The following SPAG4 variants were observed in gnomAD, a reference collection of about 807,000 sequenced individuals.
The protein encoded by SPAG4 is sperm associated antigen 4, also known as sperm-associated antigen 4 protein.
A neutral mutation model predicts 53.9 loss-of-function variants in SPAG4; 54 were observed. That is an observed-to-expected ratio of 1.00 (90% CI 0.80 to 1.26). The LOEUF (loss-of-function observed/expected upper bound fraction) is 1.26. Ranked by LOEUF, SPAG4 falls within the 50% of genes most tolerant of loss-of-function variation. The pLI is 0.00. For missense variants in SPAG4, 548 were observed against 568.6 expected (o/e 0.96, Z 0.37); for synonymous variants, 246 against 237.4 (o/e 1.04, Z -0.33).
chr20:35,618,082 T>G lies in SPAG4; in HGVS notation c.539-5T>G. ...CTTCTGAGACCCCTCCCTCTCTTTC[T>G]CCAGCATTCTGGCTGGGGCTTCTGT... On this transcript the variant is annotated splice_region_variant and splice_polypyrimidine_tract_variant and intron_variant, in intron 4 of 11. Transcript: ENST00000374273. The G allele has an allele frequency of 1.2e-6, 2 of 1,613,402 alleles. No individual in the cohort carries two copies. Among genetic ancestry groups the G allele is most frequent in the Non-Finnish European group, 1.7e-6 (2 of 1,179,636 alleles).
At chr20:35,617,495 C>T in intron 2 of SPAG4, 25 bp from the exon 3 acceptor site, 1 of 1,572,650 alleles carries the variant, frequency 6.4e-7, no homozygotes. Context: ...GTGGGCCCCT[C>T]TCTGACCCTC....
At position 35,619,703 on chromosome 20, in the gene SPAG4, A is replaced by G. The variant is rs1309015221; in HGVS notation, c.1034A>G (p.His345Arg). The change falls in exon 10 of 12, where the codon CAC becomes CGC. Residue 345 changes from histidine to arginine, a missense_variant. By Grantham distance (29) the His-to-Arg change is conservative (BLOSUM62 0). Transcript: ENST00000374273. ...CAGCATCCACCGCCCAGCGTGGAGC[A>G]CACCGGAGGAGCCAACAGCGCCCCC... ...TLQHPPPSVE[H>R]TGGANSAPRD... 1.9e-6 allele frequency: 3 copies of G among 1,612,908 alleles called. No individual in the cohort carries two copies. Among genetic ancestry groups the G allele is most frequent in the Middle Eastern group, 1.7e-4 (1 of 6,060 alleles).
In SPAG4 at chr20:35,617,524, G is replaced by A. The variant is rs754757214; in HGVS notation, c.414G>A (p.Leu138=). The change falls in exon 3 of 12, where the codon CTG becomes CTA. Residue 138 remains leucine (L), a synonymous_variant. Coordinates refer to ENST00000374273, the MANE Select transcript of SPAG4 (RefSeq NM_003116.3). ...GACCCTCTGTCCTGGCCTCAGGCCTGCTCTTCCAGGGGCTGAGCGTGTTGT... is the reference window on the plus strand; with the variant it reads ...GACCCTCTGTCCTGGCCTCAGGCCTACTCTTCCAGGGGCTGAGCGTGTTGT... The part of the protein sequence containing the change: ...PPRVFKSFLS[L]LFQGLSVLLS... 2.4e-5 allele frequency: 39 copies of A among 1,592,592 alleles called. No homozygotes were observed. The African/African-American group carries it at 4.4e-4, about 18-fold the overall frequency.
chr20:35,619,236 G>A lies in SPAG4; in HGVS notation c.835G>A (p.Asp279Asn), dbSNP rs775000708. Residue 279 changes from aspartate (D) to asparagine (N), a missense_variant, in exon 9 of 12, where the codon GAC (aspartate) becomes AAC (asparagine). Coordinates refer to ENST00000374273, the MANE Select transcript of SPAG4 (RefSeq NM_003116.3). ...GCAGAAGACATCCCACGATTACGCA[G>A]ACAGGAACACTGCCTACTTCTGGAA... is the stretch of plus-strand genomic sequence containing the variant. Reference protein sequence around the residue: ...DLQKTSHDYADRNTAYFWNRF... With the variant: ...DLQKTSHDYANRNTAYFWNRF... The A allele has an allele frequency of 1.9e-6, 3 of 1,613,868 alleles. No individual in the cohort carries two copies. Among genetic ancestry groups the A allele is most frequent in the South Asian group, 1.1e-5 (1 of 91,080 alleles).
chr20:35,619,139 G>A lies in SPAG4; in HGVS notation c.794-56G>A, dbSNP rs1385035359. 7 of 592,282 alleles carry A rather than the reference G, an allele frequency of 1.2e-5. No individual in the cohort carries two copies. In the Admixed American group the frequency reaches 2.4e-4, roughly 20 times the overall value. 36.7% of individuals were successfully genotyped at this position (592,282 alleles called of 1,614,324 possible). A position where few individuals can be genotyped will look rare whatever the true frequency, so the allele number is the denominator to read the frequency against. On this transcript the variant is annotated intron_variant, in intron 8 of 11. Transcript: ENST00000374273. ...CCGCCCCCAGCCCCCGCGCCCCCGCGCCCCGACTCCCGGCAAGGCCTGGGA... is the reference window on the plus strand; with the variant it reads ...CCGCCCCCAGCCCCCGCGCCCCCGCACCCCGACTCCCGGCAAGGCCTGGGA...
At chr20:35,616,413 G>A in intron 1 of SPAG4, 106 bp downstream of exon 1, 1 of 1,406,016 alleles carries the variant, frequency 7.1e-7, no homozygotes, top group South Asian at 1.5e-5. Flanking sequence ...CTCCTACAAG[G>A]TGGGTCCTGT....
At position 35,619,627 on chromosome 20, in the gene SPAG4, C is replaced by T. The variant is rs759355536; in HGVS notation, c.958C>T (p.Gln320Ter). 1 of 1,614,042 alleles carries T rather than the reference C, an allele frequency of 6.2e-7. No individual in the cohort carries two copies. The highest frequency in any genetic ancestry group is 1.1e-5 in the South Asian group (1 of 91,086). The stretch of plus-strand genomic sequence containing the variant: ...CTGGGCTTTTGAAGGCGACCAAGGC[C>T]AGGTGGTGATCCAACTGCCGGGCCG... Reference protein sequence around the residue: ...NCWAFEGDQGQVVIQLPGRVQ... With the variant: ...NCWAFEGDQG The change falls in exon 10 of 12, where the codon CAG becomes TAG. Residue 320 changes from glutamine (Q) to a stop codon, truncating the protein, a stop_gained. Transcript: ENST00000374273. LOFTEE classifies it high-confidence loss of function.
chr20:35,617,350 C>G (rs2031422979), intron 2 of SPAG4, 110 bp downstream of exon 2: 1 of 952,328 alleles, frequency 1.1e-6, no homozygotes, highest in Non-Finnish European at 1.6e-6. Flanking sequence ...CCTCTCCGAG[C>G]CTCAACTCAT....
intron 8 of SPAG4, 83 bp from the exon 9 acceptor site, chr20:35,619,112 A>ACCC: frequency 1.2e-6 from 1 of 821,974 alleles, no homozygotes; most frequent in Non-Finnish European, 1.9e-6. Context: ...GACAGCCCCC[A>ACCC]CCCGCCCCCA....
rs750851786 is a variant in SPAG4, at chr20:35,616,260, A to T, written c.257A>T (p.Asn86Ile). 4 of 1,507,096 alleles carry T rather than the reference A, an allele frequency of 2.7e-6. No homozygotes were observed. The South Asian group carries it at 5.2e-5, about 20-fold the overall frequency. The allele number at this position is 1,507,096 out of a possible 1,614,324, so 93.4% of individuals were successfully genotyped here. ...SQQKPAPRSHNWQTACGAATV... is the reference protein window; with the variant it reads ...SQQKPAPRSHIWQTACGAATV... ...CAGAAGCCAGCGCCTCGGAGCCACA[A>T]CTGGCAGACAGCCTGTGGCGCGGCA... Residue 86 changes from asparagine to isoleucine, a missense_variant, in exon 1 of 12, where the codon AAC becomes ATC. Transcript: ENST00000374273.
In SPAG4 at chr20:35,617,252, G is replaced by A. The variant is rs771124427; in HGVS notation, c.409+12G>A. The A allele has an allele frequency of 1.3e-6, 2 of 1,558,086 alleles. No individual in the cohort carries two copies. Among genetic ancestry groups the A allele is most frequent in the East Asian group, 2.3e-5 (1 of 43,192 alleles). ...CAAGAGCTTTCTGAGTACGGGCCAG[G>A]CCAGCTGCGATCCCCTCTGACCCTC... On this transcript the variant is annotated intron_variant, in intron 2 of 11. Transcript: ENST00000374273.
In SPAG4 at chr20:35,619,706, C is replaced by A; in HGVS notation, c.1037C>A (p.Thr346Asn). 17 of 1,612,778 alleles carry A rather than the reference C, an allele frequency of 1.1e-5. No individual in the cohort carries two copies. The highest frequency in any genetic ancestry group is 1.4e-5 in the Non-Finnish European group (16 of 1,179,064). ...LQHPPPSVEH[T>N]GGANSAPRDF... ...CATCCACCGCCCAGCGTGGAGCACA[C>A]CGGAGGAGCCAACAGCGCCCCCCGC... The change falls in exon 10 of 12, where the codon ACC (threonine) becomes AAC (asparagine). Residue 346 changes from threonine (T) to asparagine (N), a missense_variant. Physicochemically the swap from Thr to Asn is moderately conservative, Grantham distance 65. Transcript: ENST00000374273.
In SPAG4 at chr20:35,618,943, C is replaced by T; in HGVS notation, c.738C>T (p.Phe246=). ...TGCAGAGAGTGGCCAAGCTCGTGTT[C>T]CAGAGGCTGAATGAGGATTTTGTGC... ...ANSERVAKLV[F]QRLNEDFVRK... is the part of the protein sequence containing the mutation. The change falls in exon 8 of 12, where the codon TTC becomes TTT. Residue 246 remains phenylalanine, a synonymous_variant. Coordinates refer to ENST00000374273, the MANE Select transcript of SPAG4 (RefSeq NM_003116.3). 5 of 1,614,190 alleles carry T rather than the reference C, an allele frequency of 3.1e-6. No individual in the cohort carries two copies. Among genetic ancestry groups the T allele is most frequent in the Non-Finnish European group, 4.2e-6 (5 of 1,179,998 alleles).
chr20:35,618,348 G>A, intron 5 of SPAG4, 102 bp from the exon 6 acceptor site: 2 of 1,455,006 alleles, frequency 1.4e-6, no homozygotes, highest in Non-Finnish European at 1.9e-6. Context: ...GAGGAAAGGG[G>A]ACACAGTCTT....
rs756440909 is a variant in SPAG4, at chr20:35,616,037, T to C, written c.34T>C (p.Ser12Pro). ...RRSSRPGSAS[S>P]SRKHTPNFFS... Reference sequence around the variant, plus strand: ...AAGCTCCCGCCCGGGCTCGGCCTCGTCCTCGCGCAAGCACACGCCCAACTT... The same window carrying C: ...AAGCTCCCGCCCGGGCTCGGCCTCGCCCTCGCGCAAGCACACGCCCAACTT... Residue 12 changes from serine (S) to proline (P), a missense_variant, in exon 1 of 12, where the codon TCC becomes CCC. Ser to Pro is a moderately conservative substitution (Grantham distance 74). Coordinates refer to ENST00000374273, the MANE Select transcript of SPAG4 (RefSeq NM_003116.3). 8 of 1,612,142 alleles carry C rather than the reference T, an allele frequency of 5.0e-6. No homozygotes were observed. The highest frequency in any genetic ancestry group is 8.5e-7 in the Non-Finnish European group (1 of 1,179,502).
chr20:35,620,873 C>G lies in SPAG4; in HGVS notation c.1168-3C>G, dbSNP rs2031558318. ...CCTTGGCATGATCCATTTGTCTCCC[C>G]AGAATGACCCCCCAGCTGCCTTTCC... On this transcript the variant is annotated splice_polypyrimidine_tract_variant and splice_region_variant and intron_variant, in intron 11 of 11. Coordinates refer to ENST00000374273, the MANE Select transcript of SPAG4 (RefSeq NM_003116.3). The G allele has an allele frequency of 1.2e-6, 2 of 1,613,934 alleles. No homozygotes were observed. The highest frequency in any genetic ancestry group is 1.7e-5 in the Admixed American group (1 of 59,994).
intron 5 of SPAG4, 88 bp downstream of exon 5, chr20:35,618,218 G>T (rs1348039071): frequency 5.9e-6 from 8 of 1,353,156 alleles, no homozygotes; most frequent in Middle Eastern, 2.0e-4. Context: ...CGGTCTGCTG[G>T]GGTGGGGGTA....
rs180746406 is a variant in SPAG4, at chr20:35,620,560, A to G, written c.1078-124A>G. 49 of 677,628 alleles carry G rather than the reference A, an allele frequency of 7.2e-5. No individual in the cohort carries two copies. In the East Asian group the frequency reaches 1.2e-3, roughly 17 times the overall value. The allele number at this position is 677,628 out of a possible 1,614,324, so 42.0% of individuals were successfully genotyped here. A position where few individuals can be genotyped will look rare whatever the true frequency, so the allele number is the denominator to read the frequency against. ...AATTACAGTGTACGACCATCAAAAA[A>G]TACATGAGAACATGCATATAGCTAT... On this transcript the variant is annotated intron_variant, in intron 10 of 11. Transcript: ENST00000374273.
At position 35,617,413 on chromosome 20, in the gene SPAG4, C is replaced by T. The variant is rs1472837308; in HGVS notation, c.410-107C>T. Reference sequence around the variant, plus strand: ...CGACCCTCTCTTCCTGAGCCCCAGGCCCACCCCCGGCCCCTCCCAAGCCCC... The same window carrying T: ...CGACCCTCTCTTCCTGAGCCCCAGGTCCACCCCCGGCCCCTCCCAAGCCCC... On this transcript the variant is annotated intron_variant, in intron 2 of 11. Coordinates refer to ENST00000374273, the MANE Select transcript of SPAG4 (RefSeq NM_003116.3). The T allele has an allele frequency of 4.8e-6, 4 of 836,438 alleles. No homozygotes were observed. The African/African-American group carries it at 6.8e-5, about 14-fold the overall frequency. 51.8% of individuals were successfully genotyped at this position (836,438 alleles called of 1,614,324 possible). A position where few individuals can be genotyped will look rare whatever the true frequency, so the allele number is the denominator to read the frequency against.
Sources: gnomAD v4.1 joint callset for allele counts on GRCh38, gnomAD v4.1.1 for gene constraint, MANE v1.5 for transcripts, NCBI Gene and HGNC (gene_info 2026-07-23, HGNC 2026-07-21) for gene names.